SPON1: variants seen among roughly 807,000 people sequenced by gnomAD.
The protein encoded by SPON1 is spondin-1.
Under a neutral mutation model 111.7 loss-of-function variants are expected in SPON1, and 52 were observed. The observed-to-expected ratio is 0.47, with a 90% CI of 0.37 to 0.59. The LOEUF (loss-of-function observed/expected upper bound fraction) is 0.59. Ranked by LOEUF, SPON1 falls within the 20% of genes least tolerant of loss-of-function variation. The pLI is 0.00. For synonymous variants in SPON1, 410 were observed against 395.8 expected (o/e 1.04, Z -0.43); for missense variants, 957 against 1,068.5 (o/e 0.90, Z 1.46).
chr11:14,119,967 G>A (rs916710448), intron 5 of SPON1, among the ~76,000 whole-genome samples: 4 of 152,094 alleles, frequency 2.6e-5, no homozygotes, highest in African/African-American at 9.7e-5. Flanking sequence ...GTGCTCAGTG[G>A]CCACATATGA....
chr11:14,121,663 C>A (rs1847390542), intron 5 of SPON1, among the ~76,000 whole-genome samples: 1 of 152,062 alleles, frequency 6.6e-6, no homozygotes, highest in African/African-American at 2.4e-5. Context: ...TAAAGGTGCA[C>A]CTTACCCACA....
intron 14 of SPON1, among the ~76,000 whole-genome samples, chr11:14,261,771 G>A (rs149848474): frequency 2.8e-4 from 42 of 152,256 alleles, no homozygotes; most frequent in Non-Finnish European, 4.6e-4. Context: ...GTCCACTGAA[G>A]TAAGGGAGAA....
chr11:14,189,140 C>G (rs1848316931), intron 6 of SPON1, among the ~76,000 whole-genome samples: 1 of 152,146 alleles, frequency 6.6e-6, no homozygotes, highest in African/African-American at 2.4e-5. Flanking sequence ...GTTCAATGCA[C>G]AGATGGCTAC....
chr11:14,243,234 G>A, intron 6 of SPON1, 98 bp from the exon 7 acceptor site: 2 of 1,158,494 alleles, frequency 1.7e-6, no homozygotes, highest in South Asian at 2.7e-5. Flanking sequence ...CCCAACAGCA[G>A]GTGAGGGAGT....
At chr11:14,199,727 T>C (rs1358887428) in intron 6 of SPON1, among the ~76,000 whole-genome samples, 1 of 152,240 alleles carries the variant, frequency 6.6e-6, no homozygotes, top group Non-Finnish European at 1.5e-5. Flanking sequence ...TGCTCATATG[T>C]ATGTGCATTC....
intron 2 of SPON1, among the ~76,000 whole-genome samples, chr11:14,006,548 G>A (rs1848361929): frequency 6.6e-6 from 1 of 152,222 alleles, no homozygotes. Context: ...GCAGGGGGCT[G>A]AGTAGGACTC....
chr11:14,151,013 G>A (rs1847781666), intron 6 of SPON1, among the ~76,000 whole-genome samples: 1 of 152,212 alleles, frequency 6.6e-6, no homozygotes, highest in African/African-American at 2.4e-5. Context: ...ATGTTAGGAA[G>A]GCAGCCAGTG....
At chr11:14,085,970 A>G (rs1554922556) in intron 5 of SPON1, among the ~76,000 whole-genome samples, 4 of 152,130 alleles carry the variant, frequency 2.6e-5, no homozygotes, top group African/African-American at 9.7e-5. Context: ...GGTGTATAGG[A>G]ATGTTTGTGA....
intron 11 of SPON1, among the ~76,000 whole-genome samples, chr11:14,258,162 C>T (rs549339576): frequency 6.6e-6 from 1 of 152,352 alleles, no homozygotes; most frequent in African/African-American, 2.4e-5. Flanking sequence ...CAACTTATGA[C>T]AAGTTACAGA....
rs370559854 is a variant in SPON1 at position 14,179,393 on chromosome 11, A to G, written c.825+43825A>G. Among the ~76,000 whole-genome samples, 19 of 152,290 alleles carry G rather than the reference A, an allele frequency of 1.2e-4. No homozygotes were observed. In the South Asian group the frequency reaches 1.7e-3, roughly 13 times the overall value. Reference sequence around the variant, plus strand: ...AAAGACATTCTTGGGATTTTACAGAACACTCCATACTCATTCATACCCTTG... The same window carrying G: ...AAAGACATTCTTGGGATTTTACAGAGCACTCCATACTCATTCATACCCTTG... On this transcript the variant is annotated intron_variant, in intron 6 of 15. Transcript: ENST00000576479.
rs191114188 is a variant in SPON1 at position 14,169,093 on chromosome 11, G to T, written c.825+33525G>T. On this transcript the variant is annotated intron_variant, in intron 6 of 15. Coordinates refer to ENST00000576479, the MANE Select transcript of SPON1 (RefSeq NM_006108.4). ...AATCACCACACTGACTTCCACAACGGTTGAACTAGTTTACATTCTCACCAA... is the reference window on the plus strand; with the variant it reads ...AATCACCACACTGACTTCCACAACGTTTGAACTAGTTTACATTCTCACCAA... Among the ~76,000 whole-genome samples the T allele has an allele frequency of 1.4e-3, 220 of 152,300 alleles. 4 individuals carry two copies. Among genetic ancestry groups the T allele is most frequent in the Admixed American group, 0.014 (219 of 15,296 alleles).
chr11:13,985,420 G>A (rs782223434), intron 2 of SPON1, among the ~76,000 whole-genome samples: 2 of 152,164 alleles, frequency 1.3e-5, no homozygotes, highest in Non-Finnish European at 2.9e-5. Context: ...GATGAGGTAA[G>A]CATTATTATC....
At chr11:14,248,952 C>A (rs1188754115) in intron 7 of SPON1, among the ~76,000 whole-genome samples, 1 of 152,214 alleles carries the variant, frequency 6.6e-6, no homozygotes, top group Non-Finnish European at 1.5e-5. Flanking sequence ...CTGAACAAAA[C>A]CCACATCCTT....
chr11:14,001,690 C>T lies in SPON1; in HGVS notation c.345+18737C>T, dbSNP rs144155485. On this transcript the variant is annotated intron_variant, in intron 2 of 15. Coordinates refer to ENST00000576479, the MANE Select transcript of SPON1 (RefSeq NM_006108.4). ...CAACAGTGGATTACAACAGAGAGGG[C>T]TGCAAGGCATAACCTCTACTTAAGA... Among the ~76,000 whole-genome samples the T allele has an allele frequency of 5.2e-3, 799 of 152,266 alleles. 9 individuals carry two copies. The highest frequency in any genetic ancestry group is 0.018 in the African/African-American group (738 of 41,542).
At chr11:14,155,633 A>G (rs1847836850) in intron 6 of SPON1, among the ~76,000 whole-genome samples, 1 of 151,072 alleles carries the variant, frequency 6.6e-6, no homozygotes, top group Admixed American at 6.6e-5. Flanking sequence ...TATATCTCCT[A>G]AAGCTATCCC....
At chr11:14,240,063 G>A (rs1415997507) in intron 6 of SPON1, among the ~76,000 whole-genome samples, 1 of 152,178 alleles carries the variant, frequency 6.6e-6, no homozygotes, top group East Asian at 1.9e-4. Context: ...CTTCATCACA[G>A]CATCATTTAT....
At chr11:14,172,965 T>C (rs1383976830) in intron 6 of SPON1, among the ~76,000 whole-genome samples, 31 of 152,006 alleles carry the variant, frequency 2.0e-4, no homozygotes, top group African/African-American at 2.6e-4. Context: ...CTGACAATTA[T>C]GTGTCTTGGA....
intron 6 of SPON1, among the ~76,000 whole-genome samples, chr11:14,194,847 G>A (rs2133893697): frequency 6.6e-6 from 1 of 152,154 alleles, no homozygotes; most frequent in East Asian, 1.9e-4. Flanking sequence ...GTTTATTGTA[G>A]GAGGAAATCC....
intron 6 of SPON1, among the ~76,000 whole-genome samples, chr11:14,137,163 A>T (rs572484362): frequency 1.3e-5 from 2 of 152,326 alleles, no homozygotes; most frequent in Admixed American, 1.3e-4. Flanking sequence ...ATCCTGCAGG[A>T]ATCATACATA....
Sources: gnomAD v4.1 joint callset for allele counts (sites outside exome capture counted in the v4.1 genomes callset) on GRCh38, gnomAD v4.1.1 for gene constraint, MANE v1.5 for transcripts, NCBI Gene and HGNC (gene_info 2026-07-23, HGNC 2026-07-21) for gene names.